WWOX: variants seen among roughly 807,000 people sequenced by gnomAD.
WWOX encodes the protein WW domain-containing oxidoreductase.
Under a neutral mutation model 46.2 loss-of-function variants are expected in WWOX, and 69 were observed. That is an observed-to-expected ratio of 1.49 (90% confidence interval 1.23 to 1.82). The LOEUF is 1.82. Among genes scored for constraint, WWOX ranks in the 40% most tolerant of loss-of-function variants. The pLI, the probability that WWOX is intolerant of heterozygous loss-of-function variation, is 0.00. For missense variants in WWOX, 919 were observed against 542.6 expected, an observed-to-expected ratio of 1.69 and a Z score of -6.89; for synonymous variants, 359 against 202.6, an observed-to-expected ratio of 1.77 and a Z score of -6.56.
intron 5 of WWOX, among the ~76,000 whole-genome samples, chr16:78,274,157 C>T (rs1039136107): frequency 1.3e-5 from 2 of 152,134 alleles, no homozygotes; most frequent in African/African-American, 4.8e-5. Context: ...ACACTGCTTG[C>T]TTTTTGTTCC....
chr16:78,803,622 A>C (rs1408808863), intron 8 of WWOX, among the ~76,000 whole-genome samples: 4 of 151,904 alleles, frequency 2.6e-5, no homozygotes. Context: ...CATGTTTTTA[A>C]CTTTAATTTT....
intron 8 of WWOX, among the ~76,000 whole-genome samples, chr16:78,586,499 A>ATGC (rs1270209365): frequency 6.6e-6 from 1 of 152,100 alleles, no homozygotes; most frequent in Non-Finnish European, 1.5e-5. Context: ...GCTGTATTAG[A>ATGC]TGCTGTTTTA....
intron 8 of WWOX, among the ~76,000 whole-genome samples, chr16:78,806,345 G>A (rs1167590245): frequency 1.3e-5 from 2 of 152,084 alleles, no homozygotes; most frequent in Admixed American, 1.3e-4. Context: ...AGTAACAATT[G>A]TTGCATAACA....
At chr16:79,096,718 T>C (rs1173853090) in intron 8 of WWOX, among the ~76,000 whole-genome samples, 1 of 152,246 alleles carries the variant, frequency 6.6e-6, no homozygotes, top group East Asian at 1.9e-4. Flanking sequence ...TTGAGAATGC[T>C]GGCTCCAACA....
intron 8 of WWOX, among the ~76,000 whole-genome samples, chr16:78,493,267 T>A (rs1040821122): frequency 1.3e-5 from 2 of 152,170 alleles, no homozygotes; most frequent in Admixed American, 1.3e-4. Context: ...CATACACAAA[T>A]GTCCTATGTT....
chr16:78,375,188 T>C (rs2151924840), intron 5 of WWOX, among the ~76,000 whole-genome samples: 1 of 152,344 alleles, frequency 6.6e-6, no homozygotes, highest in South Asian at 2.1e-4. Flanking sequence ...AAAATAACCG[T>C]CGTCGTCATT....
intron 8 of WWOX, among the ~76,000 whole-genome samples, chr16:78,774,655 C>G (rs763447139): frequency 6.6e-6 from 1 of 151,852 alleles, no homozygotes; most frequent in Non-Finnish European, 1.5e-5. Flanking sequence ...CTCCCAGGCT[C>G]CGGGCAGTTC....
chr16:78,408,903 G>A (rs1013307799), intron 6 of WWOX, among the ~76,000 whole-genome samples: 1 of 152,014 alleles, frequency 6.6e-6, no homozygotes, highest in South Asian at 2.1e-4. Flanking sequence ...GTATAAGTGT[G>A]TAAGCAGGGA....
At chr16:78,597,217 G>A (rs1317144886) in intron 8 of WWOX, among the ~76,000 whole-genome samples, 1 of 152,142 alleles carries the variant, frequency 6.6e-6, no homozygotes, top group Non-Finnish European at 1.5e-5. Context: ...AGGAGCTGTT[G>A]GGAAGTCCAT....
At chr16:79,013,528 A>C (rs2047354139) in intron 8 of WWOX, among the ~76,000 whole-genome samples, 1 of 152,204 alleles carries the variant, frequency 6.6e-6, no homozygotes. Context: ...CGTGTGCAAC[A>C]GGGACAGCAA....
chr16:78,215,615 C>A (rs948746037), intron 5 of WWOX, among the ~76,000 whole-genome samples: 1 of 152,150 alleles, frequency 6.6e-6, no homozygotes, highest in Non-Finnish European at 1.5e-5. Flanking sequence ...CGGGTAGTAT[C>A]TTCATAGCAG....
chr16:78,471,934 A>G (rs1427883282), intron 8 of WWOX, among the ~76,000 whole-genome samples: 1 of 152,170 alleles, frequency 6.6e-6, no homozygotes, highest in Non-Finnish European at 1.5e-5. Flanking sequence ...TTGATTCTAC[A>G]CATACTTCAA....
chr16:79,182,349 C>T (rs372638321), intron 8 of WWOX, among the ~76,000 whole-genome samples: 1 of 152,108 alleles, frequency 6.6e-6, no homozygotes, highest in Non-Finnish European at 1.5e-5. Flanking sequence ...TTGTGTCTCC[C>T]TACTTCCCTT....
chr16:78,982,489 A>G (rs1402466994), intron 8 of WWOX, among the ~76,000 whole-genome samples: 1 of 152,170 alleles, frequency 6.6e-6, no homozygotes, highest in Non-Finnish European at 1.5e-5. Context: ...GTGTTAGTTC[A>G]TTTTCATAGT....
chr16:78,629,276 A>G (rs1393877984), intron 8 of WWOX, among the ~76,000 whole-genome samples: 2 of 150,442 alleles, frequency 1.3e-5, no homozygotes, highest in Non-Finnish European at 3.0e-5. Context: ...GTCATAAGAC[A>G]TTGGTGAGGT....
chr16:78,659,351 C>G (rs2047157858), intron 8 of WWOX, among the ~76,000 whole-genome samples: 1 of 152,040 alleles, frequency 6.6e-6, no homozygotes, highest in Non-Finnish European at 1.5e-5. Context: ...TTCTCAAAGG[C>G]TCGTCCCCAA....
intron 8 of WWOX, among the ~76,000 whole-genome samples, chr16:78,667,284 A>G (rs2047353248): frequency 6.6e-6 from 1 of 152,172 alleles, no homozygotes; most frequent in South Asian, 2.1e-4. Flanking sequence ...GTCTCTTTTA[A>G]CACCATTTTC....
chr16:78,595,651 G>C (rs879275380), intron 8 of WWOX, among the ~76,000 whole-genome samples: 1 of 152,200 alleles, frequency 6.6e-6, no homozygotes, highest in Non-Finnish European at 1.5e-5. Flanking sequence ...TCTTGATGAT[G>C]AGCCATACTC....
chr16:78,433,725 T>C (rs2083273838), intron 8 of WWOX, among the ~76,000 whole-genome samples: 1 of 151,318 alleles, frequency 6.6e-6, no homozygotes, highest in Admixed American at 6.6e-5. Context: ...TCTGCTGCCT[T>C]CTCTTACACT....
Sources: gnomAD v4.1 joint callset for allele counts (sites outside exome capture counted in the v4.1 genomes callset) on GRCh38, gnomAD v4.1.1 for gene constraint, MANE v1.5 for transcripts, NCBI Gene and HGNC (gene_info 2026-07-23, HGNC 2026-07-21) for gene names.